Variants in SNX29 observed in about 807,000 individuals in gnomAD.
The protein encoded by SNX29 is sorting nexin-29.
SNX29 carries 78 observed loss-of-function variants against 102.1 expected under a neutral mutation model. The ratio of observed to expected loss-of-function variants is 0.76; its 90% confidence interval spans 0.64 to 0.92. SNX29 has a LOEUF of 0.92. Ranked by LOEUF, SNX29 falls within the 40% of genes least tolerant of loss-of-function variation. The pLI, the probability that SNX29 is intolerant of heterozygous loss-of-function variation, is 0.00. For synonymous variants in SNX29, 580 were observed against 414.5 expected, an observed-to-expected ratio of 1.40 and a Z score of -4.85; for missense variants, 1,280 against 1,061.7, an observed-to-expected ratio of 1.21 and a Z score of -2.86.
Position 12,103,084 on chromosome 16 carries a change from C to G in SNX29, c.1403-23549C>G, listed in dbSNP as rs551938696. Among the ~76,000 whole-genome samples the G allele has an allele frequency of 6.6e-5, 10 of 152,306 alleles. No homozygotes were observed. In the South Asian group the frequency reaches 1.0e-3, roughly 16 times the overall value. ...CAAACAAATGGAAAAACATTCCATG[C>G]TCATGCATAGGTAGAATCAATATTG... is the stretch of plus-strand genomic sequence containing the variant. On this transcript the variant is annotated intron_variant, in intron 11 of 20. Transcript: ENST00000566228.
intron 10 of SNX29, among the ~76,000 whole-genome samples, chr16:12,075,890 C>T (rs959658621): frequency 2.0e-5 from 3 of 152,360 alleles, no homozygotes; most frequent in African/African-American, 7.2e-5. Context: ...CTCCACCAGC[C>T]TCGCTGCCGC....
At chr16:12,413,894 G>T (rs934830272) in intron 18 of SNX29, among the ~76,000 whole-genome samples, 13 of 152,106 alleles carry the variant, frequency 8.5e-5, no homozygotes, top group South Asian at 4.1e-4. Flanking sequence ...TTGCTTGTCT[G>T]GGGGGGATTG....
intron 13 of SNX29, among the ~76,000 whole-genome samples, chr16:12,153,588 C>G (rs2055398208): frequency 6.6e-6 from 1 of 152,020 alleles, no homozygotes; most frequent in African/African-American, 2.4e-5. Flanking sequence ...ATTCTCCTGC[C>G]TCAGCCTCCC....
At chr16:12,271,465 C>T (rs545413697) in intron 14 of SNX29, among the ~76,000 whole-genome samples, 1 of 152,330 alleles carries the variant, frequency 6.6e-6, no homozygotes, top group African/African-American at 2.4e-5. Flanking sequence ...CCCATCACTT[C>T]TGCCATAGTC....
chr16:12,492,475 C>T (rs539515828), intron 19 of SNX29, among the ~76,000 whole-genome samples: 14 of 152,126 alleles, frequency 9.2e-5, no homozygotes, highest in Admixed American at 2.0e-4. Context: ...TCCCATTTTG[C>T]AGGTTGCCTG....
At chr16:12,329,838 C>G (rs939359340) in intron 15 of SNX29, among the ~76,000 whole-genome samples, 1 of 152,180 alleles carries the variant, frequency 6.6e-6, no homozygotes, top group African/African-American at 2.4e-5. Flanking sequence ...TTGAATAGCA[C>G]AAAGATCACT....
chr16:12,000,535 T>A (rs1227838380), intron 2 of SNX29: 3 of 152,014 alleles, frequency 2.0e-5, no homozygotes, highest in Non-Finnish European at 4.4e-5. Context: ...TTTTTTTTTT[T>A]ATTTTCTAGA....
At chr16:12,358,646 A>T (rs137893921) in intron 16 of SNX29, among the ~76,000 whole-genome samples, 1 of 152,260 alleles carries the variant, frequency 6.6e-6, no homozygotes, top group Non-Finnish European at 1.5e-5. Context: ...GAAGGGGTCC[A>T]GCCCCGCACC....
chr16:12,565,329 C>G (rs1005637570), intron 20 of SNX29, among the ~76,000 whole-genome samples: 2 of 152,196 alleles, frequency 1.3e-5, no homozygotes, highest in Non-Finnish European at 1.5e-5. Flanking sequence ...GCTCAGCAGT[C>G]TGGGTTTTCC....
chr16:12,337,012 C>T (rs954485663), intron 15 of SNX29, among the ~76,000 whole-genome samples: 18 of 152,210 alleles, frequency 1.2e-4, no homozygotes, highest in African/African-American at 2.7e-4. Context: ...GACTGGGCAT[C>T]ATTGAGCACC....
At chr16:12,248,673 C>G (rs768851830) in intron 14 of SNX29, among the ~76,000 whole-genome samples, 1 of 152,018 alleles carries the variant, frequency 6.6e-6, no homozygotes, top group Non-Finnish European at 1.5e-5. Flanking sequence ...CCCTCTGCCC[C>G]CAAAGTGCTG....
intron 14 of SNX29, among the ~76,000 whole-genome samples, chr16:12,277,008 C>T (rs1182132286): frequency 6.6e-6 from 1 of 152,180 alleles, no homozygotes; most frequent in African/African-American, 2.4e-5. Context: ...CTCTGACCCC[C>T]ATTAGTGCTC....
intron 19 of SNX29, among the ~76,000 whole-genome samples, chr16:12,504,575 C>A (rs145897896): frequency 6.6e-6 from 1 of 152,200 alleles, no homozygotes; most frequent in Non-Finnish European, 1.5e-5. Context: ...AGTGCAGTAA[C>A]CCCCCTTATC....
chr16:12,559,503 A>C (rs114998735), intron 20 of SNX29, among the ~76,000 whole-genome samples: 1,866 of 151,944 alleles, frequency 0.012, 35 homozygotes, highest in African/African-American at 0.042. Flanking sequence ...AGAATGTACA[A>C]ATGTAACACA....
chr16:12,316,084 G>A (rs183389010), intron 15 of SNX29, among the ~76,000 whole-genome samples: 205 of 152,350 alleles, frequency 1.3e-3, no homozygotes, highest in African/African-American at 4.4e-3. Flanking sequence ...GGGGAAGGGA[G>A]ATGTTGCTTG....
At chr16:12,568,003 A>G (rs1376772238) in intron 20 of SNX29, among the ~76,000 whole-genome samples, 3 of 152,158 alleles carry the variant, frequency 2.0e-5, no homozygotes, top group East Asian at 1.9e-4. Flanking sequence ...CTTAAACACA[A>G]TACCATGCCA....
At chr16:12,307,117 T>C (rs935460706) in intron 15 of SNX29, among the ~76,000 whole-genome samples, 2 of 152,204 alleles carry the variant, frequency 1.3e-5, no homozygotes, top group African/African-American at 4.8e-5. Flanking sequence ...ACAGGCTATT[T>C]TATTTTAGCA....
rs549331362 is a variant in SNX29, at chr16:12,133,183, C to T, written c.1595+3425C>T. Among the ~76,000 whole-genome samples, 3 of 151,664 alleles carry T rather than the reference C, an allele frequency of 2.0e-5. No individual in the cohort carries two copies. In the South Asian group the frequency reaches 6.3e-4, roughly 32 times the overall value. On this transcript the variant is annotated intron_variant, in intron 13 of 20. Coordinates refer to ENST00000566228, the MANE Select transcript of SNX29 (RefSeq NM_032167.5). ...TAGGGCTTTATGGTCCAGGTGCCTGCCTTGTACTGACGGGGTCAGACCATG... is the reference window on the plus strand; with the variant it reads ...TAGGGCTTTATGGTCCAGGTGCCTGTCTTGTACTGACGGGGTCAGACCATG...
At chr16:12,457,027 C>T (rs771017546) in intron 18 of SNX29, among the ~76,000 whole-genome samples, 1 of 152,168 alleles carries the variant, frequency 6.6e-6, no homozygotes, top group Non-Finnish European at 1.5e-5. Flanking sequence ...TAATGCCACC[C>T]TCTTCTAGTG....
Sources: gnomAD v4.1 joint callset for allele counts (sites outside exome capture counted in the v4.1 genomes callset) on GRCh38, gnomAD v4.1.1 for gene constraint, MANE v1.5 for transcripts, NCBI Gene and HGNC (gene_info 2026-07-23, HGNC 2026-07-21) for gene names.